The following PRELID2 variants were observed in gnomAD, a reference collection of about 807,000 sequenced individuals.
PRELID2 encodes PRELI domain-containing protein 2.
In PRELID2, 25 loss-of-function variants were observed where a neutral mutation model predicts 28.4. The observed-to-expected ratio is 0.88, with a 90% CI of 0.64 to 1.23. The LOEUF is 1.23. Among genes scored for constraint, PRELID2 ranks in the 50% most tolerant of loss-of-function variants. The pLI, the probability that PRELID2 is intolerant of heterozygous loss-of-function variation, is 0.00. For synonymous variants in PRELID2, 76 were observed against 71.6 expected (o/e 1.06, Z -0.31); for missense variants, 201 against 214.4 (o/e 0.94, Z 0.39).
chr5:145,283,121 T>G, the PRELID2 span, among the ~76,000 whole-genome samples: 1 of 152,150 alleles, frequency 6.6e-6, no homozygotes, highest in African/African-American at 2.4e-5. Flanking sequence ...GAATCAGCAT[T>G]AAGGGGCTGC....
At chr5:145,484,092 G>A (rs1270250324) in intron 1 of PRELID2, among the ~76,000 whole-genome samples, 1 of 152,212 alleles carries the variant, frequency 6.6e-6, no homozygotes, top group Non-Finnish European at 1.5e-5. Context: ...AACATGGGAA[G>A]GTTAAGTGCC....
chr5:145,636,215 T>C (rs986475372), intron 1 of PRELID2, among the ~76,000 whole-genome samples: 1 of 152,192 alleles, frequency 6.6e-6, no homozygotes, highest in Non-Finnish European at 1.5e-5. Flanking sequence ...ACAAAGTAGT[T>C]AAATTATATC....
At chr5:145,734,610 T>C (rs1756442042) in intron 1 of PRELID2, among the ~76,000 whole-genome samples, 2 of 152,232 alleles carry the variant, frequency 1.3e-5, no homozygotes, top group East Asian at 1.9e-4. Context: ...TATGAAAAAA[T>C]TGAGATTACT....
intron 1 of PRELID2, among the ~76,000 whole-genome samples, chr5:145,601,876 T>C (rs1753403135): frequency 1.3e-5 from 2 of 152,158 alleles, no homozygotes; most frequent in Admixed American, 1.3e-4. Context: ...ATGATATTAT[T>C]AGCAAGTTCC....
intron 1 of PRELID2, among the ~76,000 whole-genome samples, chr5:145,832,368 A>C (rs1755649523): frequency 6.6e-6 from 1 of 152,074 alleles, no homozygotes; most frequent in African/African-American, 2.4e-5. Flanking sequence ...TATTTTTGGT[A>C]GAGATGGTAT....
intron 1 of PRELID2, among the ~76,000 whole-genome samples, chr5:145,691,666 C>G (rs180853725): frequency 1.3e-5 from 2 of 151,896 alleles, no homozygotes; most frequent in Non-Finnish European, 2.9e-5. Context: ...TGCAGTAAGC[C>G]GAGATTACGC....
At chr5:145,456,344 G>C in the PRELID2 span, among the ~76,000 whole-genome samples, 2 of 152,152 alleles carry the variant, frequency 1.3e-5, no homozygotes, top group Non-Finnish European at 2.9e-5. Flanking sequence ...ATTTTGTGTA[G>C]CGACGCCTAT....
chr5:145,351,858 C>A, the PRELID2 span, among the ~76,000 whole-genome samples: 1 of 152,252 alleles, frequency 6.6e-6, no homozygotes, highest in Non-Finnish European at 1.5e-5. Flanking sequence ...TTACATGCCC[C>A]TTGAAGTCCA....
intron 1 of PRELID2, among the ~76,000 whole-genome samples, chr5:145,475,040 C>T (rs1277286189): frequency 6.6e-6 from 1 of 152,160 alleles, no homozygotes; most frequent in African/African-American, 2.4e-5. Context: ...CTGGGTTCCT[C>T]CACATAGGAC....
At chr5:145,301,949 T>TTTTTTTTTTG in the PRELID2 span, among the ~76,000 whole-genome samples, 2 of 136,858 alleles carry the variant, frequency 1.5e-5, no homozygotes, top group African/African-American at 2.8e-5. Flanking sequence ...TTTTTTTTTT[T>TTTTTTTTTTG]GCTAACTCTG....
chr5:145,707,734 C>G (rs1755585506), intron 1 of PRELID2, among the ~76,000 whole-genome samples: 1 of 152,116 alleles, frequency 6.6e-6, no homozygotes, highest in Non-Finnish European at 1.5e-5. Context: ...AAAAATTACT[C>G]AGATCAAGTC....
intron 1 of PRELID2, among the ~76,000 whole-genome samples, chr5:145,707,096 G>A (rs952618696): frequency 1.3e-5 from 2 of 152,214 alleles, no homozygotes; most frequent in Non-Finnish European, 2.9e-5. Flanking sequence ...ATCTGTGGGT[G>A]AGGCACTGTG....
the PRELID2 span, among the ~76,000 whole-genome samples, chr5:145,332,943 G>A: frequency 1.3e-5 from 2 of 152,116 alleles, no homozygotes; most frequent in Non-Finnish European, 2.9e-5. Flanking sequence ...ACCTTCAGAT[G>A]GGGTTTTTGT....
rs1468567152 is a variant in PRELID2 at position 145,760,289 on chromosome 5, T to C, written c.*247A>G. ...TTTATTTGTAAAATTATAAAGAGAT[T>C]GTGTCATAAAAATCCAGCAAGAAGG... is the stretch of plus-strand genomic sequence containing the variant. On this transcript the variant is annotated 3_prime_UTR_variant, in exon 7 of 7. Coordinates refer to ENST00000683046, the MANE Select transcript of PRELID2 (RefSeq NM_205846.3). The C allele has an allele frequency of 6.6e-6, 1 of 152,084 alleles. No individual in the cohort carries two copies. Among genetic ancestry groups the C allele is most frequent in the African/African-American group, 2.4e-5 (1 of 41,406 alleles). 9.4% of individuals were successfully genotyped at this position (152,084 alleles called of 1,614,324 possible). A position where few individuals can be genotyped will look rare whatever the true frequency, so the allele number is the denominator to read the frequency against.
chr5:145,678,710 T>C (rs1375105480), intron 1 of PRELID2, among the ~76,000 whole-genome samples: 2 of 152,144 alleles, frequency 1.3e-5, no homozygotes, highest in Non-Finnish European at 2.9e-5. Context: ...TTAAAATTCA[T>C]TTGCTAAGAC....
intron 1 of PRELID2, among the ~76,000 whole-genome samples, chr5:145,724,063 T>C (rs1321035344): frequency 6.6e-6 from 1 of 152,206 alleles, no homozygotes; most frequent in African/African-American, 2.4e-5. Flanking sequence ...AAGTTCAGCA[T>C]ATATTGATAA....
chr5:145,435,528 A>G, the PRELID2 span, among the ~76,000 whole-genome samples: 1 of 152,160 alleles, frequency 6.6e-6, no homozygotes, highest in Non-Finnish European at 1.5e-5. Flanking sequence ...TGCTTTAAGC[A>G]TTGTGTGAAA....
chr5:145,335,102 G>A, the PRELID2 span, among the ~76,000 whole-genome samples: 2 of 151,814 alleles, frequency 1.3e-5, no homozygotes, highest in Non-Finnish European at 2.9e-5. Flanking sequence ...CATAATTTGT[G>A]TATCAGTCCA....
chr5:145,537,217 C>A (rs1007833807), intron 1 of PRELID2, among the ~76,000 whole-genome samples: 2 of 151,752 alleles, frequency 1.3e-5, no homozygotes, highest in African/African-American at 4.8e-5. Flanking sequence ...CAAAGGACCC[C>A]AAGTACCTTG....
Sources: allele counts gnomAD v4.1 joint callset (sites outside exome capture counted in the v4.1 genomes callset), GRCh38; gene constraint gnomAD v4.1.1; transcripts MANE v1.5; gene names NCBI Gene and HGNC (gene_info 2026-07-23, HGNC 2026-07-21).